The following LIG1 variants were observed in gnomAD, a reference collection of about 807,000 sequenced individuals.
LIG1 encodes the protein DNA ligase 1, also known as ligase I, DNA, ATP-dependent.
In LIG1, 70 loss-of-function variants were observed where a neutral mutation model predicts 115.7. The ratio of observed to expected loss-of-function variants is 0.60; its 90% CI spans 0.50 to 0.74. The LOEUF (loss-of-function observed/expected upper bound fraction) is 0.74. LIG1 is among the 30% of genes least tolerant of loss of function. LIG1 has a pLI of 0.00. For missense variants in LIG1, 1,115 were observed against 1,225.6 expected (o/e 0.91, Z 1.35); for synonymous variants, 487 against 495.3 (o/e 0.98, Z 0.22).
chr19:48,133,295 GC>G, intron 17 of LIG1, 198 bp from the exon 18 acceptor site: 1 of 597,984 alleles, frequency 1.7e-6, no homozygotes, highest in Non-Finnish European at 3.0e-6. Flanking sequence ...GGTGGGAAAG[GC>G]CATGTGATTG....
intron 16 of LIG1, among the ~76,000 whole-genome samples, chr19:48,135,117 T>C (rs567070790): frequency 1.1e-4 from 17 of 152,330 alleles, no homozygotes; most frequent in African/African-American, 4.1e-4. Context: ...AGAAACCTCA[T>C]GTTGCCGGCT....
At chr19:48,161,968 T>G (rs2036206575) in intron 3 of LIG1, among the ~76,000 whole-genome samples, 1 of 151,866 alleles carries the variant, frequency 6.6e-6, no homozygotes, top group African/African-American at 2.4e-5. Flanking sequence ...GTCTTCTACT[T>G]AGATGAGACA....
rs1433300565 is a variant in LIG1 at position 48,161,527 on chromosome 19, G to C, written c.108-20C>G. 6.2e-7 allele frequency: 1 copy of C among 1,613,618 alleles called. No individual in the cohort carries two copies. Among genetic ancestry groups the C allele is most frequent in the South Asian group, 1.1e-5 (1 of 91,078 alleles). The stretch of plus-strand genomic sequence containing the variant: ...GCCGCCCTGGAAGGTGGGGAAATGG[G>C]GGTGTAAAGGGGCGACTACAGCAGG... On this transcript the variant is annotated intron_variant, in intron 3 of 27. Coordinates refer to ENST00000263274, the MANE Select transcript of LIG1 (RefSeq NM_000234.3).
intron 1 of LIG1, among the ~76,000 whole-genome samples, chr19:48,168,919 C>T (rs1156646859): frequency 6.6e-6 from 1 of 152,072 alleles, no homozygotes; most frequent in African/African-American, 2.4e-5. Context: ...CAAAATTGTA[C>T]ACTTTAAATG....
In LIG1 at chr19:48,135,796, C is replaced by T. The variant is rs958251854; in HGVS notation, c.1424-17G>A. The T allele has an allele frequency of 6.8e-6, 11 of 1,608,806 alleles. No individual in the cohort carries two copies. The highest frequency in any genetic ancestry group is 9.4e-6 in the Non-Finnish European group (11 of 1,175,336). Reference sequence around the variant, plus strand: ...GTGGGAATTCTAAGAAAAGACCCACCAGAGGCTTTGGAAGGCACCCACATC... The same window carrying T: ...GTGGGAATTCTAAGAAAAGACCCACTAGAGGCTTTGGAAGGCACCCACATC... On this transcript the variant is annotated splice_polypyrimidine_tract_variant and intron_variant, in intron 15 of 27. Coordinates refer to ENST00000263274, the MANE Select transcript of LIG1 (RefSeq NM_000234.3).
chr19:48,153,192 C>CAA (rs776965171), intron 6 of LIG1, among the ~76,000 whole-genome samples: 59 of 64,190 alleles, frequency 9.2e-4, no homozygotes, highest in African/African-American at 1.0e-3. Context: ...GAGACTGTCT[C>CAA]AAAAAAAAAA....
At position 48,156,876 on chromosome 19, in the gene LIG1, G is replaced by C. The variant is rs145648803; in HGVS notation, c.370+138C>G. The C allele has an allele frequency of 3.5e-4, 244 of 692,774 alleles. 3 individuals are homozygous for C. In the African/African-American group the frequency reaches 4.1e-3, roughly 12 times the overall value. The allele number at this position is 692,774 out of a possible 1,614,324, so 42.9% of individuals were successfully genotyped here. A position where few individuals can be genotyped will look rare whatever the true frequency, so the allele number is the denominator to read the frequency against. On this transcript the variant is annotated intron_variant, in intron 5 of 27. Coordinates refer to ENST00000263274, the MANE Select transcript of LIG1 (RefSeq NM_000234.3). ...GAATCGTTTGAACCCGGGAGGCGGA[G>C]GTCAGTGAGCCGAGATCATGCCACT...
At chr19:48,131,731 G>A (rs915176958) in intron 18 of LIG1, among the ~76,000 whole-genome samples, 3 of 152,242 alleles carry the variant, frequency 2.0e-5, no homozygotes, top group Admixed American at 6.5e-5. Context: ...GAGCCACTGC[G>A]CCCAGCCTCT....
In LIG1 at chr19:48,117,265, TTCTCCTGCCTCAG is replaced by T. The variant is rs527932481; in HGVS notation, c.2583+360_2583+372del. 3.9e-5 allele frequency among the ~76,000 whole-genome samples: 6 copies of T among 152,144 alleles called. No homozygotes were observed. The East Asian group carries it at 1.2e-3, about 30-fold the overall frequency. On this transcript the variant is annotated intron_variant, in intron 26 of 27. Coordinates refer to ENST00000263274, the MANE Select transcript of LIG1 (RefSeq NM_000234.3). ...ACCTCCGCCTCCCAGGTTCAAGCGA[TTCTCCTGCCTCAG>T]CCTCCTGGGTAGCTGGGACTACAGG... is the stretch of plus-strand genomic sequence containing the variant.
At position 48,135,763 on chromosome 19, in the gene LIG1, C is replaced by A. The variant is rs368895531; in HGVS notation, c.1440G>T (p.Met480Ile). 6.2e-7 allele frequency: 1 copy of A among 1,614,104 alleles called. No homozygotes were observed. Among genetic ancestry groups the A allele is most frequent in the Admixed American group, 1.7e-5 (1 of 60,024 alleles). ...TPPGQEFPPA[M>I]VDAGKGKTAE... Reference sequence around the variant, plus strand: ...CTGTCTTGCCCTTCCCAGCATCCACCATGGCTGGTGGGAATTCTAAGAAAA... The same window carrying A: ...CTGTCTTGCCCTTCCCAGCATCCACAATGGCTGGTGGGAATTCTAAGAAAA... The change falls in exon 16 of 28, where the codon ATG (methionine) becomes ATT (isoleucine). Residue 480 changes from methionine (M) to isoleucine (I), a missense_variant. Physicochemically the swap from Met to Ile is conservative, Grantham distance 10 (BLOSUM62 1). Coordinates refer to ENST00000263274, the MANE Select transcript of LIG1 (RefSeq NM_000234.3).
intron 4 of LIG1, among the ~76,000 whole-genome samples, chr19:48,159,407 C>T (rs2036044216): frequency 6.6e-6 from 1 of 152,208 alleles, no homozygotes; most frequent in African/African-American, 2.4e-5. Flanking sequence ...ACTAAATGAT[C>T]TCTGCCTCTC....
Position 48,137,089 on chromosome 19 carries a change from A to C in LIG1, c.1255-5T>G. On this transcript the variant is annotated splice_polypyrimidine_tract_variant and splice_region_variant and intron_variant, in intron 13 of 27. Coordinates refer to ENST00000263274, the MANE Select transcript of LIG1 (RefSeq NM_000234.3). This position sits in a 1 kb window ranked among gnomAD's most constrained non-coding sequence, Gnocchi z 4.3. ...GTCTATCTTCTTGGCTGTGGACTGGAGAGTCAGGGGAAGAGCCGTCAGTGC... is the reference window on the plus strand; with the variant it reads ...GTCTATCTTCTTGGCTGTGGACTGGCGAGTCAGGGGAAGAGCCGTCAGTGC... 6.2e-7 allele frequency: 1 copy of C among 1,611,806 alleles called. No homozygotes were observed. The highest frequency in any genetic ancestry group is 8.5e-7 in the Non-Finnish European group (1 of 1,178,936).
intron 11 of LIG1, among the ~76,000 whole-genome samples, chr19:48,142,025 G>A (rs529937758): frequency 6.6e-6 from 1 of 152,308 alleles, no homozygotes; most frequent in African/African-American, 2.4e-5. Flanking sequence ...AAGAGGGCCG[G>A]GTGTGGTGGC....
Position 48,137,999 on chromosome 19 carries a change from C to T in LIG1, c.1088-311G>A, listed in dbSNP as rs901769918. On this transcript the variant is annotated intron_variant, in intron 12 of 27. Transcript: ENST00000263274. The surrounding 1 kb of genome is among the most constrained non-coding windows in gnomAD (Gnocchi z 4.3). ...CGCGGATGGGATTTAAAGCCACAGGCGGGACAAGGTCACTAGGGAAGTGAG... is the reference window on the plus strand; with the variant it reads ...CGCGGATGGGATTTAAAGCCACAGGTGGGACAAGGTCACTAGGGAAGTGAG... 3.2e-5 allele frequency: 15 copies of T among 471,698 alleles called. No individual in the cohort carries two copies. The highest frequency in any genetic ancestry group is 5.5e-5 in the Non-Finnish European group (14 of 254,104). The allele number at this position is 471,698 out of a possible 1,614,324, so 29.2% of individuals were successfully genotyped here. A position where few individuals can be genotyped will look rare whatever the true frequency, so the allele number is the denominator to read the frequency against.
chr19:48,146,524 T>C (rs2035122129), intron 9 of LIG1, among the ~76,000 whole-genome samples: 1 of 151,990 alleles, frequency 6.6e-6, no homozygotes, highest in African/African-American at 2.4e-5. Flanking sequence ...CTATTAAAAA[T>C]ACAAAAGTAG....
intron 26 of LIG1, among the ~76,000 whole-genome samples, chr19:48,116,816 T>C (rs539659893): frequency 2.0e-5 from 3 of 152,158 alleles, no homozygotes; most frequent in African/African-American, 7.2e-5. Context: ...ACGTGCAGCA[T>C]GGTAAAACAT....
intron 2 of LIG1, among the ~76,000 whole-genome samples, chr19:48,163,748 C>G (rs2036319313): frequency 6.6e-6 from 1 of 151,936 alleles, no homozygotes; most frequent in Non-Finnish European, 1.5e-5. Context: ...TCAAGACCAT[C>G]CTGGCTAACA....
intron 19 of LIG1, among the ~76,000 whole-genome samples, chr19:48,129,890 G>A (rs2033905668): frequency 6.6e-6 from 1 of 152,114 alleles, no homozygotes; most frequent in South Asian, 2.1e-4. Flanking sequence ...CAAGTAGCTG[G>A]GACTACAGGT....
chr19:48,163,540 G>A (rs1180564597), intron 2 of LIG1, among the ~76,000 whole-genome samples: 2 of 152,010 alleles, frequency 1.3e-5, no homozygotes, highest in African/African-American at 4.8e-5. Context: ...TATGTGCCAG[G>A]GCCTGTTCTG....
Sources: gnomAD v4.1 joint callset for allele counts (sites outside exome capture counted in the v4.1 genomes callset) on GRCh38, gnomAD v4.1.1 for gene constraint, Gnocchi (gnomAD v3.1) non-coding constraint, MANE v1.5 for transcripts, NCBI Gene and HGNC (gene_info 2026-07-23, HGNC 2026-07-21) for gene names.